LRRC4C: variants seen among roughly 807,000 people sequenced by gnomAD.
The protein encoded by LRRC4C is leucine-rich repeat-containing protein 4C.
In LRRC4C, 5 loss-of-function variants were observed where a neutral mutation model predicts 33.6. That is an observed-to-expected ratio of 0.15 (90% CI 0.08 to 0.31). The LOEUF is 0.31. LRRC4C is among the 10% of genes least tolerant of loss of function. LRRC4C has a pLI of 1.00. For missense variants in LRRC4C, 560 were observed against 796.7 expected, an observed-to-expected ratio of 0.70 and a Z score of 3.58; for synonymous variants, 329 against 302.0, an observed-to-expected ratio of 1.09 and a Z score of -0.93.
intron 1 of LRRC4C, among the ~76,000 whole-genome samples, chr11:41,096,995 A>G (rs563498650): frequency 6.6e-6 from 1 of 152,310 alleles, no homozygotes; most frequent in Non-Finnish European, 1.5e-5. Flanking sequence ...AAGGGATGAT[A>G]GGAAAAGTGG....
chr11:41,233,932 G>A (rs1947910450), intron 1 of LRRC4C, among the ~76,000 whole-genome samples: 1 of 150,972 alleles, frequency 6.6e-6, no homozygotes, highest in Admixed American at 6.6e-5. Context: ...AAGCATAACT[G>A]CACCACTTGG....
chr11:40,530,389 A>AT (rs1361373327), intron 3 of LRRC4C, among the ~76,000 whole-genome samples: 3 of 152,030 alleles, frequency 2.0e-5, no homozygotes, highest in Non-Finnish European at 4.4e-5. Flanking sequence ...GGAAGATGAG[A>AT]TTTTGGGTCC....
At chr11:41,102,665 A>T (rs958296140) in intron 1 of LRRC4C, among the ~76,000 whole-genome samples, 3 of 152,020 alleles carry the variant, frequency 2.0e-5, no homozygotes. Context: ...TGGGTTATTC[A>T]ACTCATTTCT....
At chr11:40,470,767 G>A (rs1460649598) in intron 3 of LRRC4C, among the ~76,000 whole-genome samples, 2 of 152,102 alleles carry the variant, frequency 1.3e-5, no homozygotes, top group Admixed American at 6.5e-5. Flanking sequence ...AATCAATGAA[G>A]CAGAAGAAAG....
intron 3 of LRRC4C, among the ~76,000 whole-genome samples, chr11:40,343,637 GATAT>G (rs1946975987): frequency 7.2e-6 from 1 of 138,154 alleles, no homozygotes; most frequent in African/African-American, 2.7e-5. Context: ...AATATGGAGT[GATAT>G]ATAAAGATCT....
At chr11:40,565,726 G>T (rs1410840493) in intron 3 of LRRC4C, among the ~76,000 whole-genome samples, 1 of 151,660 alleles carries the variant, frequency 6.6e-6, no homozygotes, top group Non-Finnish European at 1.5e-5. Context: ...ATTCTGTCTT[G>T]CCATCTATTG....
rs1248912497 is a variant in LRRC4C at position 40,750,247 on chromosome 11, C to T, written c.-406-101969G>A. 1.1e-4 allele frequency among the ~76,000 whole-genome samples: 17 copies of T among 151,930 alleles called. No homozygotes were observed. In the East Asian group the frequency reaches 3.3e-3, roughly 30 times the overall value. On this transcript the variant is annotated intron_variant, in intron 2 of 6. Coordinates refer to ENST00000528697, the MANE Select transcript of LRRC4C (RefSeq NM_001258419.2). ...AAAAACAAACAAAAATCCACAGGAC[C>T]AGATGGGCACAGCTAGATTCTACCA...
intron 1 of LRRC4C, among the ~76,000 whole-genome samples, chr11:41,188,569 A>G (rs1395886027): frequency 6.6e-6 from 1 of 152,104 alleles, no homozygotes; most frequent in African/African-American, 2.4e-5. Context: ...GCAATCATTC[A>G]TAGATGGACT....
chr11:40,318,515 C>A (rs188970535), intron 4 of LRRC4C, among the ~76,000 whole-genome samples: 1 of 152,164 alleles, frequency 6.6e-6, no homozygotes. Context: ...GGTTCACAGT[C>A]TTGCACCAAG....
chr11:41,216,386 A>C (rs1186791274), intron 1 of LRRC4C, among the ~76,000 whole-genome samples: 1 of 152,124 alleles, frequency 6.6e-6, no homozygotes, highest in Non-Finnish European at 1.5e-5. Context: ...AGAACAGTAA[A>C]TGTCCCAAAT....
chr11:40,607,519 G>A (rs1268577601), intron 3 of LRRC4C, among the ~76,000 whole-genome samples: 1 of 152,080 alleles, frequency 6.6e-6, no homozygotes, highest in African/African-American at 2.4e-5. Flanking sequence ...GCAGAATGAC[G>A]CAGATGGTGA....
At chr11:41,163,895 A>G (rs1337003357) in intron 1 of LRRC4C, among the ~76,000 whole-genome samples, 1 of 152,190 alleles carries the variant, frequency 6.6e-6, no homozygotes, top group Non-Finnish European at 1.5e-5. Flanking sequence ...TACAGGCATG[A>G]GATGCTGCAC....
intron 2 of LRRC4C, among the ~76,000 whole-genome samples, chr11:40,802,938 G>GA (rs773188426): frequency 6.6e-6 from 1 of 152,088 alleles, no homozygotes; most frequent in Non-Finnish European, 1.5e-5. Context: ...TGGAGCAAAA[G>GA]AAAATCTTAA....
intron 2 of LRRC4C, among the ~76,000 whole-genome samples, chr11:40,833,315 T>C (rs940399608): frequency 1.1e-4 from 17 of 152,120 alleles, no homozygotes; most frequent in Admixed American, 1.3e-4. Flanking sequence ...TGCTGTTCAA[T>C]AAAAATATTG....
intron 3 of LRRC4C, among the ~76,000 whole-genome samples, chr11:40,443,303 T>C (rs1017503771): frequency 6.6e-6 from 1 of 152,282 alleles, no homozygotes; most frequent in East Asian, 1.9e-4. Flanking sequence ...CTTGAAACTT[T>C]CCCTAAAAAT....
At chr11:40,949,348 G>T (rs1209928945) in intron 1 of LRRC4C, among the ~76,000 whole-genome samples, 1 of 152,036 alleles carries the variant, frequency 6.6e-6, no homozygotes, top group Non-Finnish European at 1.5e-5. Flanking sequence ...AGTTTCTTTT[G>T]CTGTGCAGAA....
intron 1 of LRRC4C, among the ~76,000 whole-genome samples, chr11:41,139,103 A>T (rs1053912432): frequency 6.6e-6 from 1 of 152,204 alleles, no homozygotes; most frequent in Admixed American, 6.5e-5. Flanking sequence ...GTTAAAAGCC[A>T]TATATAAAGT....
At chr11:40,973,815 C>G (rs1225530576) in intron 1 of LRRC4C, among the ~76,000 whole-genome samples, 1 of 151,434 alleles carries the variant, frequency 6.6e-6, no homozygotes, top group East Asian at 1.9e-4. Context: ...ATTTTTAAAG[C>G]CTTTTAATTT....
chr11:40,365,738 T>A (rs1590463317), intron 3 of LRRC4C, among the ~76,000 whole-genome samples: 1 of 152,080 alleles, frequency 6.6e-6, no homozygotes, highest in East Asian at 1.9e-4. Context: ...CTTGACATAG[T>A]GAGAACAATT....
Sources: gnomAD v4.1 joint callset for allele counts (sites outside exome capture counted in the v4.1 genomes callset) on GRCh38, gnomAD v4.1.1 for gene constraint, MANE v1.5 for transcripts, NCBI Gene and HGNC (gene_info 2026-07-23, HGNC 2026-07-21) for gene names.